Variants in TMEM130 observed in about 807,000 individuals in gnomAD.
TMEM130 encodes the protein transmembrane protein 130.
TMEM130 carries 37 observed loss-of-function variants against 42.9 expected under a neutral mutation model. The observed-to-expected ratio is 0.86, with a 90% CI of 0.66 to 1.13. TMEM130 has a LOEUF of 1.13. Ranked by LOEUF, TMEM130 falls within the 50% of genes most tolerant of loss-of-function variation. The probability of loss-of-function intolerance (pLI) is 0.00; values close to 1 mark genes in which losing one functional copy is unlikely to be tolerated. For synonymous variants in TMEM130, 259 were observed against 237.7 expected (o/e 1.09, Z -0.82); for missense variants, 545 against 562.6 (o/e 0.97, Z 0.32).
At chr7:98,863,032 G>A (rs1160588613) in intron 2 of TMEM130, 63 bp downstream of exon 2, 2 of 1,528,496 alleles carry the variant, frequency 1.3e-6, no homozygotes, top group African/African-American at 1.4e-5. Context: ...TCCTAGCGAA[G>A]CTTGATGTTT....
intron 5 of TMEM130, among the ~76,000 whole-genome samples, chr7:98,854,236 G>A (rs1794576932): frequency 6.6e-6 from 1 of 151,954 alleles, no homozygotes; most frequent in Non-Finnish European, 1.5e-5. Context: ...GCATTCCAAG[G>A]GGCTTAGAAG....
intron 5 of TMEM130, among the ~76,000 whole-genome samples, chr7:98,852,091 C>T (rs1323495941): frequency 6.6e-6 from 1 of 152,130 alleles, no homozygotes; most frequent in Non-Finnish European, 1.5e-5. Context: ...GGGCTACAGG[C>T]ACCAGCCACC....
At chr7:98,853,376 C>A (rs551855123) in intron 5 of TMEM130, among the ~76,000 whole-genome samples, 1 of 152,278 alleles carries the variant, frequency 6.6e-6, no homozygotes, top group Non-Finnish European at 1.5e-5. Context: ...GCCTGTAATA[C>A]CAGCACTTTG....
At position 98,863,125 on chromosome 7, in the gene TMEM130, C is replaced by T. The variant is rs1347709057; in HGVS notation, c.361G>A (p.Ala121Thr). 2.8e-5 allele frequency: 45 copies of T among 1,613,546 alleles called. 1 individual carries two copies. Among genetic ancestry groups the T allele is most frequent in the Non-Finnish European group, 3.3e-5 (39 of 1,179,978 alleles). The change falls in exon 2 of 8, where the codon GCC becomes ACC. Residue 121 changes from alanine to threonine, a missense_variant. Transcript: ENST00000339375. Reference protein sequence around the residue: ...AADCWMCQPVARGFVVLPITE... With the variant: ...AADCWMCQPVTRGFVVLPITE... ...ATGGGGAGGACCACAAAGCCCCTGG[C>T]CACAGGCTGGCACATCCAGCAGTCA... is the stretch of plus-strand genomic sequence containing the variant.
chr7:98,848,800 T>C (rs1276817397), intron 6 of TMEM130, 105 bp from the exon 7 acceptor site: 4 of 812,772 alleles, frequency 4.9e-6, no homozygotes, highest in Admixed American at 3.8e-5. Context: ...GCCCCACCAG[T>C]GATTTTTTTT....
In TMEM130 at chr7:98,851,449, C is replaced by T. The variant is rs1794502327; in HGVS notation, c.978G>A (p.Gln326=). The change falls in exon 6 of 8, where the codon CAG becomes CAA. Residue 326 remains glutamine (Q), a synonymous_variant. Coordinates refer to ENST00000339375, the MANE Select transcript of TMEM130 (RefSeq NM_152913.3). ...RAENIISKTH[Q]YHKIQVWPSR... is the part of the protein sequence containing the mutation. ...AGGGCCACACCTGGATCTTGTGGTACTGATGTGTCTTGCTGATGATATTCT... is the reference window on the plus strand; with the variant it reads ...AGGGCCACACCTGGATCTTGTGGTATTGATGTGTCTTGCTGATGATATTCT... The T allele has an allele frequency of 1.9e-6, 3 of 1,613,968 alleles. No homozygotes were observed. Among genetic ancestry groups the T allele is most frequent in the African/African-American group, 2.7e-5 (2 of 74,882 alleles).
In TMEM130 at chr7:98,851,514, A is replaced by G. The variant is rs782753548; in HGVS notation, c.913T>C (p.Phe305Leu). The change falls in exon 6 of 8, where the codon TTC becomes CTC. Residue 305 changes from phenylalanine to leucine, a missense_variant. Coordinates refer to ENST00000339375, the MANE Select transcript of TMEM130 (RefSeq NM_152913.3). ...AAGCAGTAGTCCCCAGGGTCCCTGA[A>G]GGTGTGGGTCAGGTTGTACGCTGTG... ...ASTAYNLTHT[F>L]RDPGDYCFSI... The G allele has an allele frequency of 1.9e-6, 3 of 1,613,926 alleles. No homozygotes were observed. The African/African-American group carries it at 4.0e-5, about 22-fold the overall frequency.
intron 3 of TMEM130, among the ~76,000 whole-genome samples, chr7:98,857,288 G>T (rs1368099485): frequency 6.6e-6 from 1 of 152,142 alleles, no homozygotes; most frequent in Non-Finnish European, 1.5e-5. Context: ...ACCCTGATAA[G>T]GAGCACCCTT....
chr7:98,856,073 G>GCAT lies in TMEM130; in HGVS notation c.659_661dup (p.Asp220dup). On this transcript the variant is annotated inframe_insertion, in exon 4 of 8. Coordinates refer to ENST00000339375, the MANE Select transcript of TMEM130 (RefSeq NM_152913.3). ...GGTCTTCTGCTTCACAGCCCTCGTG[G>GCAT]CATCCGGCTCCACCTCTTCCCACTC... 2.5e-6 allele frequency: 4 copies of GCAT among 1,613,774 alleles called. No individual in the cohort carries two copies. Among genetic ancestry groups the GCAT allele is most frequent in the Non-Finnish European group, 3.4e-6 (4 of 1,180,020 alleles).
At chr7:98,862,325 G>A (rs1794792993) in intron 2 of TMEM130, among the ~76,000 whole-genome samples, 1 of 123,754 alleles carries the variant, frequency 8.1e-6, no homozygotes, top group African/African-American at 2.7e-5. Flanking sequence ...AGAACAGAAA[G>A]AGCAAGATAG....
intron 4 of TMEM130, 108 bp from the exon 5 acceptor site, chr7:98,855,432 T>C: frequency 1.0e-6 from 1 of 999,936 alleles, no homozygotes; most frequent in Non-Finnish European, 1.5e-6. Context: ...TCCGTCCCTC[T>C]CCTAAGAGCA....
intron 5 of TMEM130, among the ~76,000 whole-genome samples, chr7:98,854,046 T>G (rs1554398607): frequency 6.6e-6 from 1 of 150,454 alleles, no homozygotes; most frequent in African/African-American, 2.4e-5. Flanking sequence ...TTTTTTGTTT[T>G]TTTTTTTTTT....
chr7:98,868,023 G>T (rs1554400840), intron 1 of TMEM130, among the ~76,000 whole-genome samples: 1 of 152,218 alleles, frequency 6.6e-6, no homozygotes, highest in African/African-American at 2.4e-5. Flanking sequence ...GAGGCCAGAG[G>T]TTCGAGACCA....
At chr7:98,859,047 GAGAAAGA>G (rs1554399400) in intron 3 of TMEM130, among the ~76,000 whole-genome samples, 1 of 138,924 alleles carries the variant, frequency 7.2e-6, no homozygotes, top group East Asian at 2.2e-4. Flanking sequence ...GAAAGGAAGG[GAGAAAGA>G]AGAAAGAAAA....
intron 1 of TMEM130, chr7:98,866,804 T>C (rs1485337302): frequency 1.3e-5 from 2 of 152,112 alleles, no homozygotes; most frequent in African/African-American, 4.8e-5. Context: ...TCTTAAATTA[T>C]AAAGGCATTT....
At position 98,861,536 on chromosome 7, in the gene TMEM130, G is replaced by A. The variant is rs538982225; in HGVS notation, c.392-1198C>T. Among the ~76,000 whole-genome samples, 116 of 151,764 alleles carry A rather than the reference G, an allele frequency of 7.6e-4. 1 individual carries two copies. The highest frequency in any genetic ancestry group is 2.5e-3 in the African/African-American group (104 of 41,358). On this transcript the variant is annotated intron_variant, in intron 2 of 7. Transcript: ENST00000339375. Reference sequence around the variant, plus strand: ...TTGAGACCAGCCTGGCCAACATAGCGAAACCCTGTCTCTACTAAAAATACA... The same window carrying A: ...TTGAGACCAGCCTGGCCAACATAGCAAAACCCTGTCTCTACTAAAAATACA...
At position 98,851,507 on chromosome 7, in the gene TMEM130, T is replaced by C. The variant is rs145989307; in HGVS notation, c.920A>G (p.Asp307Gly). The change falls in exon 6 of 8, where the codon GAC becomes GGC. Residue 307 changes from aspartate (D) to glycine (G), a missense_variant. By Grantham distance (94) the Asp-to-Gly change is moderately conservative (BLOSUM62 -1). Transcript: ENST00000339375. ...TAYNLTHTFRDPGDYCFSIRA... is the reference protein window; with the variant it reads ...TAYNLTHTFRGPGDYCFSIRA... ...GATGCTGAAGCAGTAGTCCCCAGGG[T>C]CCCTGAAGGTGTGGGTCAGGTTGTA... 16 of 1,613,824 alleles carry C rather than the reference T, an allele frequency of 9.9e-6. No individual in the cohort carries two copies. The Middle Eastern group carries it at 4.9e-4, about 50-fold the overall frequency.
intron 4 of TMEM130, 104 bp downstream of exon 4, chr7:98,855,913 T>A: frequency 7.4e-7 from 1 of 1,342,792 alleles, no homozygotes; most frequent in Non-Finnish European, 1.0e-6. Context: ...TCTGTGGGGC[T>A]CCAGAAGACA....
At chr7:98,855,702 G>A (rs1184843089) in intron 4 of TMEM130, among the ~76,000 whole-genome samples, 3 of 152,210 alleles carry the variant, frequency 2.0e-5, no homozygotes, top group South Asian at 2.1e-4. Flanking sequence ...GGTGAGCCTC[G>A]GTGGGAGGCC....
Sources: gnomAD v4.1 joint callset for allele counts (sites outside exome capture counted in the v4.1 genomes callset) on GRCh38, gnomAD v4.1.1 for gene constraint, MANE v1.5 for transcripts, NCBI Gene and HGNC (gene_info 2026-07-23, HGNC 2026-07-21) for gene names.